The following PPFIBP2 variants were observed in gnomAD, a reference collection of about 807,000 sequenced individuals.
The protein encoded by PPFIBP2 is PPFIB scaffold protein 2, also known as liprin-beta-2.
A neutral mutation model predicts 118.3 loss-of-function variants in PPFIBP2; 118 were observed. That is an observed-to-expected ratio of 1.00 (90% confidence interval 0.86 to 1.16). The LOEUF (loss-of-function observed/expected upper bound fraction) is 1.16. Among genes scored for constraint, PPFIBP2 ranks in the 50% most tolerant of loss-of-function variants. The pLI is 0.00. For missense variants in PPFIBP2, 1,195 were observed against 1,073.1 expected, an observed-to-expected ratio of 1.11 and a Z score of -1.59; for synonymous variants, 414 against 397.4, an observed-to-expected ratio of 1.04 and a Z score of -0.50.
chr11:7,574,426 G>C (rs1382992643), intron 3 of PPFIBP2, among the ~76,000 whole-genome samples: 1 of 152,192 alleles, frequency 6.6e-6, no homozygotes, highest in East Asian at 1.9e-4. Flanking sequence ...AGACCTTTGG[G>C]AGTAACTACC....
intron 2 of PPFIBP2, among the ~76,000 whole-genome samples, chr11:7,558,450 C>T (rs535623947): frequency 1.7e-4 from 26 of 152,178 alleles, no homozygotes; most frequent in Non-Finnish European, 3.2e-4. Context: ...TATGTGCTTT[C>T]GAAAGCGATC....
At chr11:7,655,489 C>A (rs775962606), downstream of PPFIBP2, 1 of 1,289,834 alleles carries the variant, frequency 7.8e-7, no homozygotes, top group South Asian at 1.2e-5. Context: ...AAGACATTCA[C>A]CGCCTTACGG....
At chr11:7,585,334 G>C (rs535655771) in intron 3 of PPFIBP2, among the ~76,000 whole-genome samples, 70 of 152,356 alleles carry the variant, frequency 4.6e-4, no homozygotes, top group African/African-American at 1.5e-3. Flanking sequence ...TGCTAGAGCT[G>C]TCACACTGGG....
In PPFIBP2 at chr11:7,615,891, C is replaced by T. The variant is rs150353554; in HGVS notation, c.619-5044C>T. 3.0e-3 allele frequency among the ~76,000 whole-genome samples: 455 copies of T among 152,124 alleles called. 4 individuals carry two copies. Among genetic ancestry groups the T allele is most frequent in the South Asian group, 0.012 (58 of 4,808 alleles). On this transcript the variant is annotated intron_variant, in intron 6 of 23. Coordinates refer to ENST00000299492, the MANE Select transcript of PPFIBP2 (RefSeq NM_003621.5). ...AAAAATAAAATGGATGGGGAACTGT[C>T]GAATAGAGGAAGACCCAAGAATATT...
At chr11:7,652,343 C>T (rs1426256439) in intron 23 of PPFIBP2, among the ~76,000 whole-genome samples, 1 of 152,244 alleles carries the variant, frequency 6.6e-6, no homozygotes, top group Non-Finnish European at 1.5e-5. Context: ...ACCAACACTA[C>T]TCACTGGGGC....
intron 15 of PPFIBP2, among the ~76,000 whole-genome samples, chr11:7,640,735 T>C (rs1352737841): frequency 6.6e-6 from 1 of 152,236 alleles, no homozygotes; most frequent in Non-Finnish European, 1.5e-5. Flanking sequence ...GAGCTGCCTG[T>C]GGCCTGGAGT....
At chr11:7,626,624 G>T (rs1164269348) in intron 8 of PPFIBP2, among the ~76,000 whole-genome samples, 1 of 152,220 alleles carries the variant, frequency 6.6e-6, no homozygotes, top group African/African-American at 2.4e-5. Flanking sequence ...GATGGTGAAT[G>T]GTCCCTGAGG....
chr11:7,598,650 C>A (rs776489930), intron 5 of PPFIBP2, among the ~76,000 whole-genome samples: 1 of 152,150 alleles, frequency 6.6e-6, no homozygotes, highest in Admixed American at 6.5e-5. Flanking sequence ...AAGGTACTCA[C>A]AATTACTTAA....
chr11:7,629,561 G>A (rs766558164), intron 10 of PPFIBP2, 27 bp downstream of exon 10: 6 of 1,605,654 alleles, frequency 3.7e-6, no homozygotes, highest in Non-Finnish European at 5.1e-6. Flanking sequence ...TCCTACCGTT[G>A]TCTCTGAAAG....
the PPFIBP2 span, chr11:7,664,991 C>T: frequency 2.2e-4 from 36 of 165,088 alleles, no homozygotes; most frequent in African/African-American, 7.6e-4. Context: ...GGAACTGCCC[C>T]GACACTTGCC....
chr11:7,607,922 A>C (rs1847590929), intron 5 of PPFIBP2, among the ~76,000 whole-genome samples: 1 of 152,240 alleles, frequency 6.6e-6, no homozygotes, highest in African/African-American at 2.4e-5. Flanking sequence ...GGAATAAGGT[A>C]GGTAGGCAGA....
chr11:7,650,517 C>G (rs1227447514), intron 21 of PPFIBP2, among the ~76,000 whole-genome samples: 3 of 152,206 alleles, frequency 2.0e-5, no homozygotes, highest in African/African-American at 7.2e-5. Context: ...TGACAGTCAT[C>G]TTTAAAGTTC....
the PPFIBP2 span, among the ~76,000 whole-genome samples, chr11:7,663,149 G>C: frequency 7.6e-6 from 1 of 131,372 alleles, no homozygotes; most frequent in African/African-American, 2.5e-5. Context: ...CTCTCAGCTC[G>C]TCAAAGTCAT....
intron 1 of PPFIBP2, among the ~76,000 whole-genome samples, chr11:7,545,267 C>T (rs1434415795): frequency 6.6e-6 from 1 of 151,864 alleles, no homozygotes. Context: ...TGTCTTCTAC[C>T]CAAAATACAA....
chr11:7,652,883 G>T, intron 23 of PPFIBP2, 141 bp from the exon 24 acceptor site: 1 of 1,017,864 alleles, frequency 9.8e-7, no homozygotes. Context: ...CAAGAGCTCT[G>T]TTTTGTTCAG....
At chr11:7,564,035 G>A (rs1343178026) in intron 2 of PPFIBP2, among the ~76,000 whole-genome samples, 2 of 152,056 alleles carry the variant, frequency 1.3e-5, no homozygotes, top group South Asian at 2.1e-4. Context: ...GCGTGGTGGC[G>A]GGCACCTGCA....
intron 7 of PPFIBP2, among the ~76,000 whole-genome samples, chr11:7,624,829 G>A (rs943583341): frequency 6.6e-6 from 1 of 152,202 alleles, no homozygotes; most frequent in Non-Finnish European, 1.5e-5. Context: ...AGTAGGTGTA[G>A]TTTTTCCCAT....
At chr11:7,563,346 G>C (rs940232570) in intron 2 of PPFIBP2, among the ~76,000 whole-genome samples, 21 of 152,130 alleles carry the variant, frequency 1.4e-4, no homozygotes, top group African/African-American at 5.1e-4. Flanking sequence ...GCTGTTCTAA[G>C]TCCACTCTTA....
At chr11:7,531,624 C>T (rs1228369146) in intron 1 of PPFIBP2, among the ~76,000 whole-genome samples, 3 of 152,140 alleles carry the variant, frequency 2.0e-5, no homozygotes, top group Non-Finnish European at 2.9e-5. Context: ...GGAGAGGAGG[C>T]TGCCTTCTTC....
Sources: gnomAD v4.1 joint callset for allele counts (sites outside exome capture counted in the v4.1 genomes callset) on GRCh38, gnomAD v4.1.1 for gene constraint, MANE v1.5 for transcripts, NCBI Gene and HGNC (gene_info 2026-07-23, HGNC 2026-07-21) for gene names.